KLRG1: variants seen among roughly 807,000 people sequenced by gnomAD.
The protein encoded by KLRG1 is killer cell lectin-like receptor subfamily G member 1.
Under a neutral mutation model 21.8 loss-of-function variants are expected in KLRG1, and 16 were observed. That is an observed-to-expected ratio of 0.73 (90% CI 0.50 to 1.11). The LOEUF (loss-of-function observed/expected upper bound fraction) is 1.11. KLRG1 is among the 50% of genes most tolerant of loss of function. The probability of loss-of-function intolerance (pLI) is 0.00; values close to 1 mark genes in which losing one functional copy is unlikely to be tolerated. For missense variants in KLRG1, 173 were observed against 218.3 expected (o/e 0.79, Z 1.31); for synonymous variants, 69 against 75.9 (o/e 0.91, Z 0.47).
the KLRG1 span, among the ~76,000 whole-genome samples, chr12:9,162,975 A>C: frequency 6.6e-6 from 1 of 152,116 alleles, no homozygotes; most frequent in African/African-American, 2.4e-5. Context: ...GCTCGCCTCC[A>C]TGTGTCTATG....
At chr12:9,155,145 C>T in the KLRG1 span, among the ~76,000 whole-genome samples, 3 of 152,224 alleles carry the variant, frequency 2.0e-5, no homozygotes, top group Middle Eastern at 6.8e-3. Context: ...TTTTATTGTT[C>T]GTGATATTTT....
In KLRG1 at chr12:8,989,600, ACT is replaced by A. The variant is rs1455299343; in HGVS notation, c.-30_-29del. The A allele has an allele frequency of 2.2e-6, 3 of 1,338,434 alleles. 1 individual carries two copies. Among genetic ancestry groups the A allele is most frequent in the Admixed American group, 1.8e-5 (1 of 56,676 alleles). The allele number at this position is 1,338,434 out of a possible 1,614,324, so 82.9% of individuals were successfully genotyped here. A position where few individuals can be genotyped will look rare whatever the true frequency, so the allele number is the denominator to read the frequency against. On this transcript the variant is annotated 5_prime_UTR_variant, in exon 1 of 5. Transcript: ENST00000356986. ...TATCCCTTCACACTTCTATAATTTA[ACT>A]CTCTCAACTGCATGTGAAAGATCTT...
At chr12:9,190,085 G>A in the KLRG1 span, among the ~76,000 whole-genome samples, 6 of 152,096 alleles carry the variant, frequency 3.9e-5, no homozygotes, top group Non-Finnish European at 7.4e-5. Flanking sequence ...GCAGTGTGGC[G>A]ATTCCTCAAA....
the KLRG1 span, among the ~76,000 whole-genome samples, chr12:9,209,295 A>C: frequency 1.3e-5 from 2 of 152,100 alleles, no homozygotes; most frequent in Non-Finnish European, 2.9e-5. Context: ...CAGCCTAATC[A>C]TCCCTTCTTT....
the KLRG1 span, among the ~76,000 whole-genome samples, chr12:9,133,055 G>GT: frequency 1.9e-4 from 29 of 150,956 alleles, no homozygotes; most frequent in African/African-American, 3.6e-4. Flanking sequence ...AAAGGTGTGG[G>GT]TTTTTTTTTC....
At chr12:9,164,349 G>A in the KLRG1 span, 3 of 1,394,612 alleles carry the variant, frequency 2.2e-6, no homozygotes, top group African/African-American at 2.9e-5. Context: ...AGATGCTGCA[G>A]TAAATTGGGA....
chr12:9,177,380 C>A, the KLRG1 span, among the ~76,000 whole-genome samples: 2 of 152,212 alleles, frequency 1.3e-5, no homozygotes, highest in African/African-American at 2.4e-5. Context: ...CTTCCAACCT[C>A]TGTCAAGCTG....
chr12:9,115,953 C>T, the KLRG1 span: 1,647 of 910,006 alleles, frequency 1.8e-3, 12 homozygotes, highest in East Asian at 0.017. Flanking sequence ...CTTTATGCTG[C>T]TCTGTGTGCA....
At chr12:9,078,234 C>T in the KLRG1 span, among the ~76,000 whole-genome samples, 7 of 152,008 alleles carry the variant, frequency 4.6e-5, no homozygotes. Flanking sequence ...TTGTTCCTGT[C>T]CCTGTGTCCG....
chr12:8,995,142 A>C lies in KLRG1; in HGVS notation c.211A>C (p.Ser71Arg). 3.1e-6 allele frequency: 5 copies of C among 1,608,638 alleles called. No individual in the cohort carries two copies. The highest frequency in any genetic ancestry group is 4.2e-6 in the Non-Finnish European group (5 of 1,178,026). ...CQGSNYSTCA[S>R]CPSCPDRWMK... is the part of the protein sequence containing the mutation. ...AGGCTCCAACTACTCCACTTGTGCC[A>C]GCTGTCCTAGCTGCCCAGACCGCTG... The change falls in exon 3 of 5, where the codon AGC becomes CGC. Residue 71 changes from serine (S) to arginine (R), a missense_variant. Physicochemically the swap from Ser to Arg is moderately radical, Grantham distance 110 (BLOSUM62 -1). Around this residue, in one of 3 missense-constraint regions of KLRG1, gnomAD observed 144 missense variants for 161.5 expected, o/e 0.89. Transcript: ENST00000356986.
At chr12:9,069,093 T>C in the KLRG1 span, 2 of 303,604 alleles carry the variant, frequency 6.6e-6, no homozygotes, top group Admixed American at 4.8e-5. Flanking sequence ...GGGTAAATGA[T>C]ATATACTTTT....
chr12:9,205,155 CT>C, the KLRG1 span, among the ~76,000 whole-genome samples: 7 of 151,974 alleles, frequency 4.6e-5, no homozygotes, highest in African/African-American at 1.7e-4. Context: ...AAAGTCTTTT[CT>C]TTTTTATTTA....
At chr12:9,104,304 C>T in the KLRG1 span, 10 of 1,613,160 alleles carry the variant, frequency 6.2e-6, 1 homozygote, top group South Asian at 7.7e-5. Context: ...AGGCCATGCT[C>T]ATCCGTGGTA....
the KLRG1 span, among the ~76,000 whole-genome samples, chr12:9,209,573 G>A: frequency 6.6e-6 from 1 of 151,848 alleles, no homozygotes; most frequent in Non-Finnish European, 1.5e-5. Flanking sequence ...CAATGGTAGT[G>A]CTCTTTTAAA....
At chr12:8,980,958 G>A (rs1156636580) in intron 1 of KLRG1, among the ~76,000 whole-genome samples, 1 of 152,174 alleles carries the variant, frequency 6.6e-6, no homozygotes, top group Non-Finnish European at 1.5e-5. Flanking sequence ...GCCAGCCTGG[G>A]GAATGGGGTT....
the KLRG1 span, among the ~76,000 whole-genome samples, chr12:9,201,565 C>T: frequency 6.6e-6 from 1 of 151,900 alleles, no homozygotes; most frequent in African/African-American, 2.4e-5. Context: ...TTGCCATTTC[C>T]CTGAAAATTA....
chr12:8,983,229 T>C (rs1166875476), intron 1 of KLRG1, among the ~76,000 whole-genome samples: 2 of 152,206 alleles, frequency 1.3e-5, no homozygotes, highest in East Asian at 3.9e-4. Flanking sequence ...TTTTATCTAG[T>C]GATACTTATT....
the KLRG1 span, among the ~76,000 whole-genome samples, chr12:9,100,985 G>A: frequency 3.9e-5 from 6 of 152,188 alleles, no homozygotes; most frequent in South Asian, 6.2e-4. Context: ...CCAAAATCTC[G>A]GAAATCACTA....
At chr12:9,000,122 T>A (rs750257339) in intron 3 of KLRG1, among the ~76,000 whole-genome samples, 7 of 152,256 alleles carry the variant, frequency 4.6e-5, no homozygotes. Flanking sequence ...GACATACAAT[T>A]TCAGTAAAAT....
Sources: allele counts gnomAD v4.1 joint callset (sites outside exome capture counted in the v4.1 genomes callset), GRCh38; gene constraint gnomAD v4.1.1; regional missense constraint gnomAD v4.1.1; transcripts MANE v1.5; gene names NCBI Gene and HGNC (gene_info 2026-07-23, HGNC 2026-07-21).